Variants in NXPE2 observed in about 807,000 individuals in gnomAD.
NXPE2 encodes the protein NXPE family member 2.
NXPE2 carries 34 observed loss-of-function variants against 34.4 expected under a neutral mutation model. The observed-to-expected ratio is 0.99, with a 90% CI of 0.75 to 1.31. The LOEUF (loss-of-function observed/expected upper bound fraction) is 1.31, where lower values mean the gene tolerates loss of function less well. Ranked by LOEUF, NXPE2 falls within the 40% of genes most tolerant of loss-of-function variation. NXPE2 has a pLI of 0.00. For missense variants in NXPE2, 649 were observed against 672.5 expected (o/e 0.97, Z 0.39); for synonymous variants, 235 against 231.3 (o/e 1.02, Z -0.15).
chr11:114,691,482 G>C (rs1951147799), intron 2 of NXPE2, among the ~76,000 whole-genome samples: 2 of 152,136 alleles, frequency 1.3e-5, no homozygotes, highest in East Asian at 3.9e-4. Context: ...GTAATAGCTG[G>C]CAGCTAGGGG....
the NXPE2 span, among the ~76,000 whole-genome samples, chr11:114,654,651 G>A: frequency 3.9e-5 from 6 of 151,908 alleles, no homozygotes; most frequent in Admixed American, 2.0e-4. Context: ...AAGACATCTC[G>A]TTCCTTTTTT....
the NXPE2 span, among the ~76,000 whole-genome samples, chr11:114,491,913 A>G: frequency 1.3e-5 from 2 of 152,202 alleles, no homozygotes; most frequent in Non-Finnish European, 1.5e-5. Flanking sequence ...GCAAGGACAA[A>G]AAACCAAACA....
chr11:114,813,234 G>A, the NXPE2 span, among the ~76,000 whole-genome samples: 4 of 152,230 alleles, frequency 2.6e-5, no homozygotes, highest in Non-Finnish European at 5.9e-5. Context: ...GAGCTGCCAT[G>A]AGATCCTCCC....
chr11:114,590,016 C>T, the NXPE2 span, among the ~76,000 whole-genome samples: 2 of 152,242 alleles, frequency 1.3e-5, no homozygotes, highest in African/African-American at 4.8e-5. Flanking sequence ...TACATCCTGA[C>T]TCTCAATACC....
At chr11:114,737,945 G>A in the NXPE2 span, among the ~76,000 whole-genome samples, 1 of 152,132 alleles carries the variant, frequency 6.6e-6, no homozygotes, top group Non-Finnish European at 1.5e-5. Context: ...AAATTTGCCG[G>A]GCGTGGTGGT....
At chr11:114,583,435 T>A in the NXPE2 span, 1 of 667,560 alleles carries the variant, frequency 1.5e-6, no homozygotes, top group Non-Finnish European at 2.8e-6. Flanking sequence ...AAGCCAATGC[T>A]GAGGAGATGA....
chr11:114,722,450 G>T, the NXPE2 span, among the ~76,000 whole-genome samples: 1 of 151,778 alleles, frequency 6.6e-6, no homozygotes, highest in Non-Finnish European at 1.5e-5. Flanking sequence ...CAGTCTCAGG[G>T]AAGTTATTTA....
the NXPE2 span, among the ~76,000 whole-genome samples, chr11:114,771,392 C>T: frequency 6.7e-6 from 1 of 149,922 alleles, no homozygotes. Flanking sequence ...ATAAAGGCGA[C>T]TTGTCAAGGG....
chr11:114,757,931 T>C, the NXPE2 span, among the ~76,000 whole-genome samples: 2 of 152,328 alleles, frequency 1.3e-5, no homozygotes, highest in East Asian at 1.9e-4. Flanking sequence ...CCAGGATTTA[T>C]TGGGGAGGAA....
the NXPE2 span, among the ~76,000 whole-genome samples, chr11:114,542,850 A>G: frequency 6.6e-6 from 1 of 152,222 alleles, no homozygotes; most frequent in Admixed American, 6.5e-5. Context: ...AATAAACTAG[A>G]CCCTATGAAG....
chr11:114,478,344 A>G, the NXPE2 span, among the ~76,000 whole-genome samples: 2 of 152,178 alleles, frequency 1.3e-5, no homozygotes, highest in Non-Finnish European at 2.9e-5. Context: ...TCCTTGAGAA[A>G]GACATTCCTT....
chr11:114,788,279 G>A, the NXPE2 span, among the ~76,000 whole-genome samples: 1 of 152,214 alleles, frequency 6.6e-6, no homozygotes, highest in Non-Finnish European at 1.5e-5. Context: ...TGGGAGGGTA[G>A]AGGAGAGGAC....
At chr11:114,494,659 T>TTG in the NXPE2 span, among the ~76,000 whole-genome samples, 2 of 152,248 alleles carry the variant, frequency 1.3e-5, no homozygotes, top group Admixed American at 6.5e-5. Flanking sequence ...TTGAATTCTC[T>TTG]GTCTGAAAGG....
chr11:114,556,868 A>G, the NXPE2 span, among the ~76,000 whole-genome samples: 1 of 144,820 alleles, frequency 6.9e-6, no homozygotes, highest in Non-Finnish European at 1.5e-5. Context: ...CACCTTCTCT[A>G]TTTCTATTCC....
rs754295531 is a variant in NXPE2, at chr11:114,698,396, G to T, written c.484G>T (p.Gly162Cys). Residue 162 changes from glycine (G) to cysteine (C), a missense_variant, in exon 3 of 6, where the codon GGT becomes TGT. Physicochemically the swap from Gly to Cys is radical, Grantham distance 159 (BLOSUM62 -3). Coordinates refer to ENST00000389586, the MANE Select transcript of NXPE2 (RefSeq NM_182495.6). The stretch of plus-strand genomic sequence containing the variant: ...GATGTACTCCACAGCACTAATGGCA[G>T]GTGCTTCAGGAAAGGTGACTGACTT... ...ARMYSTALMAGASGKVTDFNN... is the reference protein window; with the variant it reads ...ARMYSTALMACASGKVTDFNN... 6.2e-7 allele frequency: 1 copy of T among 1,613,884 alleles called. No homozygotes were observed. The highest frequency in any genetic ancestry group is 1.3e-5 in the African/African-American group (1 of 74,930).
At chr11:114,616,477 G>A in the NXPE2 span, among the ~76,000 whole-genome samples, 83 of 151,846 alleles carry the variant, frequency 5.5e-4, 6 homozygotes, top group African/African-American at 2.0e-3. Flanking sequence ...AATAAGTGTT[G>A]CCTCGAGGGT....
the NXPE2 span, among the ~76,000 whole-genome samples, chr11:114,738,041 C>T: frequency 3.9e-5 from 6 of 152,244 alleles, no homozygotes; most frequent in South Asian, 6.2e-4. Flanking sequence ...GAGCCGAGAT[C>T]GTGCCACTGC....
chr11:114,581,624 G>A, the NXPE2 span: 1 of 921,694 alleles, frequency 1.1e-6, no homozygotes, highest in Non-Finnish European at 1.7e-6. Flanking sequence ...GATGAACAGA[G>A]TGCTGATAGG....
the NXPE2 span, among the ~76,000 whole-genome samples, chr11:114,477,543 A>G: frequency 2.0e-5 from 3 of 152,178 alleles, no homozygotes; most frequent in Non-Finnish European, 4.4e-5. Flanking sequence ...CCACAAAAAA[A>G]GGAAAGAATA....
Sources: allele counts gnomAD v4.1 joint callset (sites outside exome capture counted in the v4.1 genomes callset), GRCh38; gene constraint gnomAD v4.1.1; transcripts MANE v1.5; gene names NCBI Gene and HGNC (gene_info 2026-07-23, HGNC 2026-07-21).